LRMDA: variants seen among roughly 807,000 people sequenced by gnomAD.
LRMDA encodes the protein leucine-rich melanocyte differentiation-associated protein.
In LRMDA, 18 loss-of-function variants were observed where a neutral mutation model predicts 29.8. That is an observed-to-expected ratio of 0.60 (90% CI 0.42 to 0.90). The LOEUF (loss-of-function observed/expected upper bound fraction) is 0.90, where lower values mean the gene tolerates loss of function less well. LRMDA is among the 40% of genes least tolerant of loss of function. The pLI is 0.00. For synonymous variants in LRMDA, 125 were observed against 109.4 expected, an observed-to-expected ratio of 1.14 and a Z score of -0.89; for missense variants, 273 against 273.9, an observed-to-expected ratio of 1.00 and a Z score of 0.02.
intron 2 of LRMDA, among the ~76,000 whole-genome samples, chr10:75,565,618 A>T (rs1440549031): frequency 6.6e-6 from 1 of 152,228 alleles, no homozygotes; most frequent in African/African-American, 2.4e-5. Context: ...TCTAGTCAGG[A>T]AGGCTCTTCT....
intron 2 of LRMDA, among the ~76,000 whole-genome samples, chr10:75,839,479 G>A (rs997577689): frequency 6.6e-6 from 1 of 152,066 alleles, no homozygotes; most frequent in Non-Finnish European, 1.5e-5. Context: ...TCAGTTCCCT[G>A]TGCTCCCATA....
intron 2 of LRMDA, among the ~76,000 whole-genome samples, chr10:75,884,160 T>C (rs1468399968): frequency 6.6e-6 from 1 of 151,848 alleles, no homozygotes; most frequent in Non-Finnish European, 1.5e-5. Flanking sequence ...GGCAGGTGGG[T>C]GTTGAATTAA....
intron 6 of LRMDA, among the ~76,000 whole-genome samples, chr10:76,548,231 A>C (rs1249618377): frequency 6.6e-6 from 1 of 152,192 alleles, no homozygotes; most frequent in African/African-American, 2.4e-5. Flanking sequence ...TGTAAAATGA[A>C]AGAATTTACC....
At chr10:75,733,845 A>G (rs545736524) in intron 2 of LRMDA, among the ~76,000 whole-genome samples, 1 of 152,306 alleles carries the variant, frequency 6.6e-6, no homozygotes, top group African/African-American at 2.4e-5. Context: ...TTATCTGCAT[A>G]ACACTAGATT....
chr10:76,241,697 A>G (rs1463622535), intron 5 of LRMDA, among the ~76,000 whole-genome samples: 1 of 152,166 alleles, frequency 6.6e-6, no homozygotes, highest in Non-Finnish European at 1.5e-5. Flanking sequence ...CTTGGGCTCC[A>G]GCAGTACAAT....
intron 2 of LRMDA, among the ~76,000 whole-genome samples, chr10:75,901,309 CT>C (rs58604668): frequency 0.01 from 1,473 of 144,504 alleles, 9 homozygotes; most frequent in Middle Eastern, 0.026. Context: ...TTAATGACAC[CT>C]TTTTTTTTTT....
chr10:76,359,367 A>G (rs1841281624), intron 6 of LRMDA, among the ~76,000 whole-genome samples: 1 of 152,204 alleles, frequency 6.6e-6, no homozygotes, highest in South Asian at 2.1e-4. Flanking sequence ...GTGAGTGAGA[A>G]TATGAGACAT....
intron 2 of LRMDA, among the ~76,000 whole-genome samples, chr10:75,608,188 T>A (rs145465549): frequency 0.011 from 1,688 of 148,954 alleles, 15 homozygotes; most frequent in South Asian, 0.021. Context: ...TGTCCTGCCA[T>A]TTGCAACATG....
At chr10:76,450,248 C>G (rs187012172) in intron 6 of LRMDA, among the ~76,000 whole-genome samples, 1 of 152,134 alleles carries the variant, frequency 6.6e-6, no homozygotes, top group Non-Finnish European at 1.5e-5. Context: ...AGTCATTGCT[C>G]TGGACAAATC....
intron 6 of LRMDA, among the ~76,000 whole-genome samples, chr10:76,449,064 G>T (rs1842380525): frequency 6.6e-6 from 1 of 151,692 alleles, no homozygotes; most frequent in African/African-American, 2.4e-5. Context: ...TTTCTTTCAA[G>T]AACTTTATCA....
chr10:76,404,950 A>G (rs934200069), intron 6 of LRMDA, among the ~76,000 whole-genome samples: 4 of 152,180 alleles, frequency 2.6e-5, no homozygotes, highest in Non-Finnish European at 5.9e-5. Context: ...AAGGGTCCAC[A>G]AGCCAAGAAA....
intron 6 of LRMDA, among the ~76,000 whole-genome samples, chr10:76,370,870 T>C (rs1333721881): frequency 6.6e-6 from 1 of 152,166 alleles, no homozygotes. Flanking sequence ...GGTCTGTCTA[T>C]AGGGTTCAGT....
chr10:76,478,829 TAGG>T (rs1468466256), intron 6 of LRMDA, among the ~76,000 whole-genome samples: 1 of 147,770 alleles, frequency 6.8e-6, no homozygotes, highest in African/African-American at 2.5e-5. Context: ...TTCTCACTTA[TAGG>T]TGGGAATTGA....
At chr10:76,396,105 T>A (rs997792776) in intron 6 of LRMDA, among the ~76,000 whole-genome samples, 1 of 152,138 alleles carries the variant, frequency 6.6e-6, no homozygotes, top group Non-Finnish European at 1.5e-5. Flanking sequence ...ATGGGCATGT[T>A]TTGATTGAAG....
intron 5 of LRMDA, among the ~76,000 whole-genome samples, chr10:76,210,830 G>A (rs1851621424): frequency 6.6e-6 from 1 of 152,176 alleles, no homozygotes; most frequent in South Asian, 2.1e-4. Context: ...ATTCCTCAAA[G>A]GAACATCAGG....
At chr10:75,563,926 G>A (rs1840335099) in intron 2 of LRMDA, among the ~76,000 whole-genome samples, 1 of 152,174 alleles carries the variant, frequency 6.6e-6, no homozygotes, top group Non-Finnish European at 1.5e-5. Context: ...CGTGTGAGGT[G>A]TCAGTCTGCC....
chr10:75,432,935 T>C (rs1029575371), intron 1 of LRMDA, among the ~76,000 whole-genome samples: 1 of 152,160 alleles, frequency 6.6e-6, no homozygotes, highest in African/African-American at 2.4e-5. Context: ...GCACCCCCCA[T>C]TTAACAGTTT....
chr10:75,754,904 G>A (rs115587672), intron 2 of LRMDA, among the ~76,000 whole-genome samples: 2,826 of 151,972 alleles, frequency 0.019, 90 homozygotes, highest in African/African-American at 0.064. Context: ...AACTTTTCCT[G>A]CAATTTTATT....
chr10:76,223,108 G>T (rs1004243631), intron 5 of LRMDA, among the ~76,000 whole-genome samples: 2 of 151,064 alleles, frequency 1.3e-5, no homozygotes, highest in South Asian at 4.2e-4. Context: ...ACACTGTGGG[G>T]ACTGTTGTGG....
Sources: gnomAD v4.1 joint callset for allele counts (sites outside exome capture counted in the v4.1 genomes callset) on GRCh38, gnomAD v4.1.1 for gene constraint, MANE v1.5 for transcripts, NCBI Gene and HGNC (gene_info 2026-07-23, HGNC 2026-07-21) for gene names.